Variants in ATF6 observed in about 807,000 individuals in gnomAD.
The protein encoded by ATF6 is cyclic AMP-dependent transcription factor ATF-6 alpha.
In ATF6, 53 loss-of-function variants were observed where a neutral mutation model predicts 83.6. The ratio of observed to expected loss-of-function variants is 0.63; its 90% CI spans 0.51 to 0.80. The LOEUF is 0.80. ATF6 is among the 30% of genes least tolerant of loss of function. The pLI, the probability that ATF6 is intolerant of heterozygous loss-of-function variation, is 0.00. For synonymous variants in ATF6, 288 were observed against 285.8 expected, an observed-to-expected ratio of 1.01 and a Z score of -0.08; for missense variants, 744 against 797.9, an observed-to-expected ratio of 0.93 and a Z score of 0.81.
chr1:161,888,436 T>G (rs1687474774), intron 14 of ATF6, among the ~76,000 whole-genome samples: 1 of 152,166 alleles, frequency 6.6e-6, no homozygotes, highest in East Asian at 1.9e-4. Flanking sequence ...TTTGATAGCC[T>G]TATCTAAATT....
intron 6 of ATF6, among the ~76,000 whole-genome samples, chr1:161,801,382 TGTC>T (rs1557967568): frequency 9.3e-5 from 13 of 140,430 alleles, no homozygotes; most frequent in Admixed American, 2.2e-4. Context: ...TTTTTTTTTT[TGTC>T]CTTTTTAGGG....
chr1:161,807,068 T>C (rs1026802221), intron 7 of ATF6, among the ~76,000 whole-genome samples: 8 of 152,228 alleles, frequency 5.3e-5, no homozygotes, highest in Middle Eastern at 3.4e-3. Context: ...TTTTATCTCA[T>C]CCTTCAAGGT....
At chr1:161,787,483 G>A (rs901335077) in intron 4 of ATF6, among the ~76,000 whole-genome samples, 2 of 151,990 alleles carry the variant, frequency 1.3e-5, no homozygotes, top group Non-Finnish European at 2.9e-5. Context: ...CTTCCCATGC[G>A]GATGCCCTCC....
intron 6 of ATF6, among the ~76,000 whole-genome samples, chr1:161,797,525 A>G (rs1296116062): frequency 6.6e-6 from 1 of 152,200 alleles, no homozygotes; most frequent in Non-Finnish European, 1.5e-5. Flanking sequence ...TACCCCAGTA[A>G]TGTCCAAGCT....
chr1:161,774,397 A>G (rs1325211737), intron 1 of ATF6, among the ~76,000 whole-genome samples: 1 of 141,914 alleles, frequency 7.0e-6, no homozygotes, highest in South Asian at 2.3e-4. Flanking sequence ...TAGTTGGATT[A>G]TGGATATGTA....
At chr1:161,772,118 A>G (rs1395066027) in intron 1 of ATF6, among the ~76,000 whole-genome samples, 1 of 152,156 alleles carries the variant, frequency 6.6e-6, no homozygotes, top group Non-Finnish European at 1.5e-5. Flanking sequence ...CCATGTTTCC[A>G]GTGTCTCTCA....
intron 14 of ATF6, among the ~76,000 whole-genome samples, chr1:161,868,655 GTT>G (rs113508615): frequency 6.8e-6 from 1 of 147,614 alleles, no homozygotes; most frequent in South Asian, 2.1e-4. Context: ...CATTTAAAAG[GTT>G]TTTTTTTTTA....
chr1:161,831,918 C>T (rs1264144966), intron 9 of ATF6, among the ~76,000 whole-genome samples: 9 of 148,228 alleles, frequency 6.1e-5, no homozygotes, highest in Non-Finnish European at 1.3e-4. Context: ...ACGTTGTGCA[C>T]ATGTACCCTA....
intron 12 of ATF6, among the ~76,000 whole-genome samples, chr1:161,854,755 C>T (rs920521223): frequency 1.3e-5 from 2 of 151,976 alleles, no homozygotes; most frequent in African/African-American, 4.8e-5. Context: ...GCCTGTAGTC[C>T]CAGCTACTTG....
At chr1:161,914,681 T>A (rs1013671383) in intron 15 of ATF6, among the ~76,000 whole-genome samples, 6 of 152,210 alleles carry the variant, frequency 3.9e-5, no homozygotes, top group Non-Finnish European at 8.8e-5. Flanking sequence ...AACTACTCTC[T>A]TAACTTACAA....
intron 14 of ATF6, among the ~76,000 whole-genome samples, chr1:161,886,772 G>C (rs529653031): frequency 1.3e-5 from 2 of 152,312 alleles, no homozygotes; most frequent in East Asian, 3.9e-4. Flanking sequence ...ACATAACTTA[G>C]CCAGTGTCAC....
intron 7 of ATF6, among the ~76,000 whole-genome samples, chr1:161,814,873 T>A (rs2101775349): frequency 6.6e-6 from 1 of 152,352 alleles, no homozygotes; most frequent in African/African-American, 2.4e-5. Context: ...GTGTGTTTTT[T>A]AAGAATGTAT....
chr1:161,870,382 T>G (rs1206693543), intron 14 of ATF6, among the ~76,000 whole-genome samples: 2 of 151,824 alleles, frequency 1.3e-5, no homozygotes, highest in African/African-American at 4.8e-5. Flanking sequence ...GGTTTCTTTT[T>G]AAAACAGTGT....
intron 15 of ATF6, among the ~76,000 whole-genome samples, chr1:161,935,854 G>T (rs2101905463): frequency 6.6e-6 from 1 of 152,292 alleles, no homozygotes; most frequent in African/African-American, 2.4e-5. Context: ...CATTTCTAAA[G>T]AAACGGAATT....
Position 161,947,371 on chromosome 1 carries a change from G to A in ATF6, c.1805-11075G>A, listed in dbSNP as rs201267522. On this transcript the variant is annotated intron_variant, in intron 15 of 15. Coordinates refer to ENST00000367942, the MANE Select transcript of ATF6 (RefSeq NM_007348.4). ...AGGCCAGGGTGATTAGATGTCGAGG[G>A]TAATCAGATAACAAGGGTGGAGGAT... Among the ~76,000 whole-genome samples the A allele has an allele frequency of 4.6e-5, 7 of 152,212 alleles. No homozygotes were observed. In the East Asian group the frequency reaches 1.3e-3, roughly 29 times the overall value.
intron 7 of ATF6, among the ~76,000 whole-genome samples, chr1:161,818,092 C>A (rs961491947): frequency 7.1e-6 from 1 of 141,314 alleles, no homozygotes; most frequent in Non-Finnish European, 1.5e-5. Flanking sequence ...CAGAGCAAGA[C>A]TCCATCTCAA....
At chr1:161,769,458 C>A (rs1684336939) in intron 1 of ATF6, among the ~76,000 whole-genome samples, 1 of 152,066 alleles carries the variant, frequency 6.6e-6, no homozygotes, top group South Asian at 2.1e-4. Flanking sequence ...CATTCTATGG[C>A]AGGGATCCCC....
chr1:161,832,975 C>G (rs1686105402), intron 9 of ATF6, among the ~76,000 whole-genome samples: 1 of 152,200 alleles, frequency 6.6e-6, no homozygotes, highest in Non-Finnish European at 1.5e-5. Flanking sequence ...GGTCCCTAAC[C>G]CCCGAGCAGC....
intron 15 of ATF6, among the ~76,000 whole-genome samples, chr1:161,929,979 C>T (rs368942170): frequency 1.3e-5 from 2 of 152,096 alleles, no homozygotes; most frequent in Non-Finnish European, 2.9e-5. Context: ...TCTTACCCTG[C>T]GCAGCCCTTA....
Sources: gnomAD v4.1 joint callset for allele counts (sites outside exome capture counted in the v4.1 genomes callset) on GRCh38, gnomAD v4.1.1 for gene constraint, MANE v1.5 for transcripts, NCBI Gene and HGNC (gene_info 2026-07-23, HGNC 2026-07-21) for gene names.